Variants in CSF1 observed in about 807,000 individuals in gnomAD.
CSF1 encodes the protein colony stimulating factor 1.
In CSF1, 9 loss-of-function variants were observed where a neutral mutation model predicts 48.9. The ratio of observed to expected loss-of-function variants is 0.18; its 90% confidence interval spans 0.11 to 0.32. CSF1 has a LOEUF of 0.32. Ranked by LOEUF, CSF1 falls within the 10% of genes least tolerant of loss-of-function variation. The pLI, the probability that CSF1 is intolerant of heterozygous loss-of-function variation, is 1.00. For missense variants in CSF1, 672 were observed against 697.9 expected, an observed-to-expected ratio of 0.96 and a Z score of 0.42; for synonymous variants, 305 against 284.1, an observed-to-expected ratio of 1.07 and a Z score of -0.74.
upstream of CSF1, chr1:109,910,736 A>AGTGT (rs199542023): frequency 1.1e-3 from 291 of 268,710 alleles, 1 homozygote; most frequent in Admixed American, 1.7e-3. Context: ...TGTCTGTGTC[A>AGTGT]GTGTGTGTGT....
rs1249459836 is a variant in CSF1 at position 109,929,614 on chromosome 1, A to AG, written c.*778dup. On this transcript the variant is annotated 3_prime_UTR_variant, in exon 9 of 9. Transcript: ENST00000329608. ...AGAGCTTCTCCAGGAGGCCAAGCAG[A>AG]GGCTCCCCTCATGAAGGAAGCCATT... 2.0e-5 allele frequency: 3 copies of AG among 152,966 alleles called. No individual in the cohort carries two copies. The highest frequency in any genetic ancestry group is 4.4e-5 in the Non-Finnish European group (3 of 68,354). The allele number at this position is 152,966 out of a possible 1,614,324, so 9.5% of individuals were successfully genotyped here. A position where few individuals can be genotyped will look rare whatever the true frequency, so the allele number is the denominator to read the frequency against.
chr1:109,924,880 C>G, intron 7 of CSF1, 52 bp downstream of exon 7: 1 of 1,549,636 alleles, frequency 6.5e-7, no homozygotes, highest in Non-Finnish European at 8.8e-7. Flanking sequence ...GGCTTGGGAT[C>G]TGTTTCCCCT....
intron 1 of CSF1, 137 bp downstream of exon 1, chr1:109,911,199 A>C: frequency 2.1e-6 from 1 of 475,566 alleles, no homozygotes; most frequent in Non-Finnish European, 2.8e-6. Context: ...CCGCGGACGA[A>C]CCGCCTTTGC....
intron 2 of CSF1, 65 bp downstream of exon 2, chr1:109,914,446 G>A (rs953996509): frequency 9.3e-6 from 14 of 1,512,878 alleles, no homozygotes; most frequent in Admixed American, 6.2e-5. Context: ...AGGAGCCAGG[G>A]AGCAGGTCAA....
At position 109,923,921 on chromosome 1, in the gene CSF1, G is replaced by A. The variant is rs146089530; in HGVS notation, c.1300G>A (p.Val434Met). The A allele has an allele frequency of 1.2e-5, 19 of 1,614,008 alleles. No individual in the cohort carries two copies. In the South Asian group the frequency reaches 1.2e-4, roughly 10 times the overall value. The change falls in exon 6 of 9, where the codon GTG (valine) becomes ATG (methionine). Residue 434 changes from valine to methionine, a missense_variant. Physicochemically the swap from Val to Met is conservative, Grantham distance 21. Coordinates refer to ENST00000329608, the MANE Select transcript of CSF1 (RefSeq NM_000757.6). ...QLSRSHSSGS[V>M]LPLGELEGRR... ...TTCCAGAAGCCACTCCTCGGGCAGCGTGCTGCCCCTTGGGGAGCTGGAGGG... is the reference window on the plus strand; with the variant it reads ...TTCCAGAAGCCACTCCTCGGGCAGCATGCTGCCCCTTGGGGAGCTGGAGGG...
intron 8 of CSF1, among the ~76,000 whole-genome samples, chr1:109,927,155 T>C (rs941323759): frequency 4.6e-5 from 7 of 152,250 alleles, no homozygotes; most frequent in African/African-American, 1.7e-4. Context: ...CCTGACTAAT[T>C]GGCTGGTTGG....
rs191741354 is a variant in CSF1, at chr1:109,927,117, G to A, written c.*14-1735G>A. On this transcript the variant is annotated intron_variant, in intron 8 of 8. Coordinates refer to ENST00000329608, the MANE Select transcript of CSF1 (RefSeq NM_000757.6). ...TAACTGACCAGCTGTTGCTTGGGGA[G>A]CCCATTGAGCAACTGACTAGCTGAT... 7.2e-5 allele frequency among the ~76,000 whole-genome samples: 11 copies of A among 152,208 alleles called. No individual in the cohort carries two copies. In the East Asian group the frequency reaches 1.9e-3, roughly 27 times the overall value.
rs113687620 is a variant in CSF1 at position 109,923,265 on chromosome 1, T to C, written c.644T>C (p.Met215Thr). The change falls in exon 6 of 9, where the codon ATG (methionine) becomes ACG (threonine). Residue 215 changes from methionine to threonine, a missense_variant. Around this residue, in one of 3 missense-constraint regions of CSF1, gnomAD observed 591 missense variants for 593.6 expected, o/e 1.00. Transcript: ENST00000329608. ...VSPHQPLAPS[M>T]APVAGLTWED... is the part of the protein sequence containing the mutation. ...CCTCATCAGCCCCTCGCCCCCTCCA[T>C]GGCCCCTGTGGCTGGCTTGACCTGG... 103 of 1,610,940 alleles carry C rather than the reference T, an allele frequency of 6.4e-5. 1 individual carries two copies. In the Middle Eastern group the frequency reaches 1.3e-3, roughly 21 times the overall value.
rs756725261 is a variant in CSF1, at chr1:109,923,863, C to T, written c.1242C>T (p.Ser414=). The T allele has an allele frequency of 6.2e-7, 1 of 1,614,020 alleles. No individual in the cohort carries two copies. Among genetic ancestry groups the T allele is most frequent in the South Asian group, 1.1e-5 (1 of 91,082 alleles). Reference sequence around the variant, plus strand: ...CATCACTGCGCCCCCAGGGCCTCAGCAACCCCTCCACCCTCTCTGCTCAGC... The same window carrying T: ...CATCACTGCGCCCCCAGGGCCTCAGTAACCCCTCCACCCTCTCTGCTCAGC... The part of the protein sequence containing the change: ...RISSLRPQGL[S]NPSTLSAQPQ... The change falls in exon 6 of 9, where the codon AGC becomes AGT. Residue 414 remains serine (S), a synonymous_variant. Coordinates refer to ENST00000329608, the MANE Select transcript of CSF1 (RefSeq NM_000757.6).
At chr1:109,910,618 C>T (rs1654631249), upstream of CSF1, 1 of 189,280 alleles carries the variant, frequency 5.3e-6, no homozygotes, top group African/African-American at 2.5e-5. Context: ...GGAAGTGCAG[C>T]GCAGAAGACA....
chr1:109,914,579 G>A (rs758978546), intron 2 of CSF1, among the ~76,000 whole-genome samples, 198 bp downstream of exon 2: 1 of 152,236 alleles, frequency 6.6e-6, no homozygotes, highest in Non-Finnish European at 1.5e-5. Context: ...TCCCCAGCTC[G>A]AAGCCCTCTC....
chr1:109,923,758 C>G lies in CSF1; in HGVS notation c.1137C>G (p.Asp379Glu). The change falls in exon 6 of 9, where the codon GAC becomes GAG. Residue 379 changes from aspartate to glutamate, a missense_variant. Physicochemically the swap from Asp to Glu is conservative, Grantham distance 45. Around this residue, in one of 3 missense-constraint regions of CSF1, gnomAD observed 591 missense variants for 593.6 expected, o/e 1.00. Transcript: ENST00000329608. ...RVGPVRPTGQ[D>E]WNHTPQKTDH... ...GCCCCGTGAGGCCCACTGGCCAGGACTGGAATCACACCCCCCAGAAGACAG... is the reference window on the plus strand; with the variant it reads ...GCCCCGTGAGGCCCACTGGCCAGGAGTGGAATCACACCCCCCAGAAGACAG... 6.2e-7 allele frequency: 1 copy of G among 1,609,246 alleles called. No homozygotes were observed. Among genetic ancestry groups the G allele is most frequent in the South Asian group, 1.1e-5 (1 of 90,426 alleles).
At chr1:109,917,805 T>C (rs763470771) in intron 4 of CSF1, among the ~76,000 whole-genome samples, 5 of 152,198 alleles carry the variant, frequency 3.3e-5, no homozygotes, top group Non-Finnish European at 5.9e-5. Flanking sequence ...TGTGTGTCTG[T>C]TGTGTACCAG....
chr1:109,924,280 C>A, intron 6 of CSF1, 90 bp downstream of exon 6: 1 of 1,162,212 alleles, frequency 8.6e-7, no homozygotes, highest in Non-Finnish European at 1.2e-6. Flanking sequence ...AGCTTGGGTG[C>A]GGCCTGAGTT....
Position 109,914,319 on chromosome 1 carries a change from G to A in CSF1, c.100G>A (p.Glu34Lys). ...CCTGGCGAGCAGGAGTATCACCGAG[G>A]AGGTGTCGGAGTACTGTAGCCACAT... ...CLLASRSITEEVSEYCSHMIG... is the reference protein window; with the variant it reads ...CLLASRSITEKVSEYCSHMIG... Residue 34 changes from glutamate to lysine, a missense_variant, in exon 2 of 9, where the codon GAG becomes AAG. Coordinates refer to ENST00000329608, the MANE Select transcript of CSF1 (RefSeq NM_000757.6). 6.2e-7 allele frequency: 1 copy of A among 1,608,300 alleles called. No individual in the cohort carries two copies. The highest frequency in any genetic ancestry group is 8.5e-7 in the Non-Finnish European group (1 of 1,177,312).
In CSF1 at chr1:109,925,209, T is replaced by A. The variant is rs41313284; in HGVS notation, c.*13+7T>A. 0.017 allele frequency: 27,239 copies of A among 1,613,070 alleles called. 289 individuals carry two copies. The highest frequency in any genetic ancestry group is 0.017 in the Non-Finnish European group (20,357 of 1,179,160). On this transcript the variant is annotated splice_region_variant and intron_variant, in intron 8 of 8. Transcript: ENST00000329608. ...GTGTAGAGGGAATTCTAAGGTAAGA[T>A]TCTGACTTTGATCTCCACTCCTAAA...
rs779110244 is a variant in CSF1 at position 109,911,033 on chromosome 1, C to T, written c.10C>T (p.Pro4Ser). The change falls in exon 1 of 9, where the codon CCG becomes TCG. Residue 4 changes from proline (P) to serine (S), a missense_variant. Physicochemically the swap from Pro to Ser is moderately conservative, Grantham distance 74 (BLOSUM62 -1). Transcript: ENST00000329608. Reference sequence around the variant, plus strand: ...GGACCCAGCTGCCCGTATGACCGCGCCGGGCGCCGCCGGGCGCTGCCCTCC... The same window carrying T: ...GGACCCAGCTGCCCGTATGACCGCGTCGGGCGCCGCCGGGCGCTGCCCTCC... MTAPGAAGRCPPTT... is the reference protein window; with the variant it reads MTASGAAGRCPPTT... 3.4e-5 allele frequency: 39 copies of T among 1,139,512 alleles called. No individual in the cohort carries two copies. The South Asian group carries it at 9.2e-4, about 27-fold the overall frequency. The allele number at this position is 1,139,512 out of a possible 1,614,324, so 70.6% of individuals were successfully genotyped here. A position where few individuals can be genotyped will look rare whatever the true frequency, so the allele number is the denominator to read the frequency against.
chr1:109,930,803 C>G lies in CSF1; in HGVS notation c.*1965C>G, dbSNP rs944385884. The G allele has an allele frequency of 6.6e-6, 1 of 152,144 alleles. No homozygotes were observed. The highest frequency in any genetic ancestry group is 1.9e-4 in the East Asian group (1 of 5,180). The allele number at this position is 152,144 out of a possible 1,614,324, so 9.4% of individuals were successfully genotyped here. On this transcript the variant is annotated 3_prime_UTR_variant, in exon 9 of 9. Coordinates refer to ENST00000329608, the MANE Select transcript of CSF1 (RefSeq NM_000757.6). Reference sequence around the variant, plus strand: ...AGCCCCAGAGCCACCTCTGGTGTCCCCCCAGGCTACCTGCTCAGGAACCCC... The same window carrying G: ...AGCCCCAGAGCCACCTCTGGTGTCCGCCCAGGCTACCTGCTCAGGAACCCC...
rs1032764357 is a variant in CSF1 at position 109,911,002 on chromosome 1, C to T, written c.-22C>T. 7.7e-6 allele frequency: 9 copies of T among 1,163,554 alleles called. No individual in the cohort carries two copies. In the African/African-American group the frequency reaches 1.5e-4, roughly 19 times the overall value. 72.1% of individuals were successfully genotyped at this position (1,163,554 alleles called of 1,614,324 possible). A position where few individuals can be genotyped will look rare whatever the true frequency, so the allele number is the denominator to read the frequency against. ...AGCGAGCGAGGGCGGCCGACGCGCCCGGCCGGGACCCAGCTGCCCGTATGA... is the reference window on the plus strand; with the variant it reads ...AGCGAGCGAGGGCGGCCGACGCGCCTGGCCGGGACCCAGCTGCCCGTATGA... On this transcript the variant is annotated 5_prime_UTR_variant, in exon 1 of 9. Transcript: ENST00000329608.
Sources: allele counts gnomAD v4.1 joint callset (sites outside exome capture counted in the v4.1 genomes callset), GRCh38; gene constraint gnomAD v4.1.1; regional missense constraint gnomAD v4.1.1; transcripts MANE v1.5; gene names NCBI Gene and HGNC (gene_info 2026-07-23, HGNC 2026-07-21).